The following PARP9 variants were observed in gnomAD, a reference collection of about 807,000 sequenced individuals.
PARP9 encodes the protein protein mono-ADP-ribosyltransferase PARP9.
PARP9 carries 48 observed loss-of-function variants against 68.8 expected under a neutral mutation model. The observed-to-expected ratio is 0.70, with a 90% CI of 0.55 to 0.89. The LOEUF is 0.89. PARP9 is among the 40% of genes least tolerant of loss of function. The probability of loss-of-function intolerance (pLI) is 0.00; values close to 1 mark genes in which losing one functional copy is unlikely to be tolerated. For missense variants in PARP9, 806 were observed against 969.3 expected, an observed-to-expected ratio of 0.83 and a Z score of 2.24; for synonymous variants, 309 against 333.8, an observed-to-expected ratio of 0.93 and a Z score of 0.81.
intron 8 of PARP9, among the ~76,000 whole-genome samples, chr3:122,538,575 G>T (rs1168424466): frequency 6.6e-6 from 1 of 152,016 alleles, no homozygotes; most frequent in East Asian, 1.9e-4. Context: ...TCGTGCGGCA[G>T]AGCAAGAGAC....
chr3:122,545,584 T>C lies in PARP9; in HGVS notation c.1327-95A>G, dbSNP rs905674684. 1.3e-5 allele frequency: 15 copies of C among 1,167,242 alleles called. No homozygotes were observed. In the African/African-American group the frequency reaches 2.3e-4, roughly 18 times the overall value. The allele number at this position is 1,167,242 out of a possible 1,614,324, so 72.3% of individuals were successfully genotyped here. On this transcript the variant is annotated intron_variant, in intron 6 of 10. Transcript: ENST00000682323. ...TCTGCACACACAGCACTTGACTTCA[T>C]CCACTCTGTCAGTCCCATTCCTACT...
At chr3:122,550,859 A>AC in intron 5 of PARP9, 57 bp from the exon 6 acceptor site, 4 of 1,452,390 alleles carry the variant, frequency 2.8e-6, no homozygotes, top group Non-Finnish European at 3.8e-6. Context: ...GACTCCACTT[A>AC]CCCCTTGATC....
At chr3:122,539,903 C>T (rs1365183638) in intron 8 of PARP9, among the ~76,000 whole-genome samples, 2 of 152,126 alleles carry the variant, frequency 1.3e-5, no homozygotes, top group Admixed American at 6.5e-5. Context: ...CTAGTTAGCT[C>T]TAGGGCTCTG....
Position 122,564,283 on chromosome 3 carries a change from G to C in PARP9, c.-128C>G. On this transcript the variant is annotated 5_prime_UTR_variant, in exon 1 of 11. Transcript: ENST00000682323. The stretch of plus-strand genomic sequence containing the variant: ...CTCCTCGGTGCAGACAGCACAGGGA[G>C]GAGGGGGAAGCGGCTCTGCCGGGAA... 2.0e-6 allele frequency: 2 copies of C among 1,019,550 alleles called. No homozygotes were observed. Among genetic ancestry groups the C allele is most frequent in the Non-Finnish European group, 2.8e-6 (2 of 721,138 alleles). The allele number at this position is 1,019,550 out of a possible 1,614,324, so 63.2% of individuals were successfully genotyped here. A position where few individuals can be genotyped will look rare whatever the true frequency, so the allele number is the denominator to read the frequency against.
At chr3:122,535,930 T>C in intron 10 of PARP9, 1 of 1,414,556 alleles carries the variant, frequency 7.1e-7, no homozygotes, top group South Asian at 1.6e-5. Context: ...CCGTAGTTCT[T>C]ACTGCTCACA....
intron 6 of PARP9, among the ~76,000 whole-genome samples, chr3:122,549,067 T>C (rs573637042): frequency 6.6e-6 from 1 of 151,272 alleles, no homozygotes; most frequent in Admixed American, 6.6e-5. Flanking sequence ...CAAGCCCGGG[T>C]GCAATGGTGC....
intron 6 of PARP9, among the ~76,000 whole-genome samples, chr3:122,546,310 T>C (rs1371914380): frequency 1.3e-5 from 2 of 152,250 alleles, no homozygotes; most frequent in Non-Finnish European, 2.9e-5. Flanking sequence ...TCTTTCATGA[T>C]GCTGGGCGGC....
At chr3:122,557,166 G>A (rs1158472527) in intron 3 of PARP9, among the ~76,000 whole-genome samples, 1 of 151,834 alleles carries the variant, frequency 6.6e-6, no homozygotes, top group South Asian at 2.1e-4. Flanking sequence ...CCCTTTCTCA[G>A]AGGCATTTCC....
rs2079129246 is a variant in PARP9 at position 122,550,694 on chromosome 3, T to C, written c.1216A>G (p.Thr406Ala). The C allele has an allele frequency of 4.3e-6, 7 of 1,614,172 alleles. No homozygotes were observed. Among genetic ancestry groups the C allele is most frequent in the Non-Finnish European group, 5.9e-6 (7 of 1,180,010 alleles). ...GTGNMEIKKE[T>A]AAEILFDEVL... ...TCATCAAACAAAATCTCTGCTGCTGTTTCCTTCTTTATTTCCATGTTTCCA... is the reference window on the plus strand; with the variant it reads ...TCATCAAACAAAATCTCTGCTGCTGCTTCCTTCTTTATTTCCATGTTTCCA... Residue 406 changes from threonine to alanine, a missense_variant, in exon 6 of 11, where the codon ACA (threonine) becomes GCA (alanine). By Grantham distance (58) the Thr-to-Ala change is moderately conservative. This residue lies in a region of PARP9 where 680 missense variants were observed against 858.8 expected (regional missense o/e 0.79). Transcript: ENST00000682323.
Position 122,555,291 on chromosome 3 carries a change from G to A in PARP9, c.880C>T (p.Gln294Ter). The change falls in exon 4 of 11, where the codon CAG becomes TAG. Residue 294 changes from glutamine (Q) to a stop codon, truncating the protein, a stop_gained. Transcript: ENST00000682323. LOFTEE classifies it high-confidence loss of function. ...LQIVQGHIEW[Q>*]TADVIVNSVN... ...GAATAGAAACAAAGACTTACCGTCT[G>A]CCATTCAATGTGGCCCTGGACAATC... 1 of 1,605,082 alleles carries A rather than the reference G, an allele frequency of 6.2e-7. No homozygotes were observed. Among genetic ancestry groups the A allele is most frequent in the Non-Finnish European group, 8.5e-7 (1 of 1,175,596 alleles).
intron 7 of PARP9, among the ~76,000 whole-genome samples, chr3:122,542,812 G>A (rs1169077562): frequency 6.6e-6 from 1 of 151,852 alleles, no homozygotes; most frequent in Non-Finnish European, 1.5e-5. Flanking sequence ...ATATGTGTTG[G>A]CAAAGCGAGC....
In PARP9 at chr3:122,556,018, C is replaced by T. The variant is rs146677229; in HGVS notation, c.153G>A (p.Gln51=). 4.2e-5 allele frequency: 68 copies of T among 1,613,672 alleles called. No homozygotes were observed. The Middle Eastern group carries it at 4.9e-4, about 12-fold the overall frequency. The change falls in exon 4 of 11, where the codon CAG becomes CAA. Residue 51 remains glutamine (Q), a synonymous_variant. Coordinates refer to ENST00000682323, the MANE Select transcript of PARP9 (RefSeq NM_001146105.2). ...GGGTAGAGATACAGCCAAACTTATT[C>T]TGGAGGACTTCACACAGCTGACGCT... The part of the protein sequence containing the change: ...NNERQLCEVL[Q]NKFGCISTLV...
In PARP9 at chr3:122,540,505, T is replaced by C. The variant is rs1177550612; in HGVS notation, c.1732A>G (p.Arg578Gly). 3.7e-6 allele frequency: 6 copies of C among 1,613,888 alleles called. No individual in the cohort carries two copies. Among genetic ancestry groups the C allele is most frequent in the Non-Finnish European group, 5.1e-6 (6 of 1,179,916 alleles). ...CGCCAAAGGCCTCGCTCCTTTTTCCTTGCCATTTCCTCCTGTACTTTACAA... is the reference window on the plus strand; with the variant it reads ...CGCCAAAGGCCTCGCTCCTTTTTCCCTGCCATTTCCTCCTGTACTTTACAA... Reference protein sequence around the residue: ...MLCKVQEEMARKKERGLWRSL... With the variant: ...MLCKVQEEMAGKKERGLWRSL... Residue 578 changes from arginine (R) to glycine (G), a missense_variant, in exon 8 of 11, where the codon AGG becomes GGG. By Grantham distance (125) the Arg-to-Gly change is moderately radical. Transcript: ENST00000682323.
Position 122,540,606 on chromosome 3 carries a change from G to A in PARP9, c.1631C>T (p.Pro544Leu). The change falls in exon 8 of 11, where the codon CCA (proline) becomes CTA (leucine). Residue 544 changes from proline (P) to leucine (L), a missense_variant. Pro to Leu is a moderately conservative substitution (Grantham distance 98). This residue lies in a region of PARP9 where 680 missense variants were observed against 858.8 expected (regional missense o/e 0.79). Coordinates refer to ENST00000682323, the MANE Select transcript of PARP9 (RefSeq NM_001146105.2). The stretch of plus-strand genomic sequence containing the variant: ...TTCAATCTCTAACTCTGTCCTTCCT[G>A]GGCTGATAATTTCTGTGATGGAGAC... ...SSVSITEIIS[P>L]GRTELEIEGA... 2.5e-6 allele frequency: 4 copies of A among 1,614,092 alleles called. No homozygotes were observed. Among genetic ancestry groups the A allele is most frequent in the Non-Finnish European group, 3.4e-6 (4 of 1,180,016 alleles).
chr3:122,552,956 T>C (rs988572461), intron 4 of PARP9, among the ~76,000 whole-genome samples: 1 of 152,186 alleles, frequency 6.6e-6, no homozygotes, highest in Non-Finnish European at 1.5e-5. Flanking sequence ...TGATTTGTTT[T>C]AAGTTCTGTC....
At chr3:122,539,937 A>G (rs1156319547) in intron 8 of PARP9, among the ~76,000 whole-genome samples, 4 of 152,206 alleles carry the variant, frequency 2.6e-5, no homozygotes, top group Admixed American at 2.0e-4. Flanking sequence ...TCCAGATCCA[A>G]ATTCCCACGT....
At position 122,555,760 on chromosome 3, in the gene PARP9, A is replaced by G. The variant is rs762736445; in HGVS notation, c.411T>C (p.Tyr137=). The change falls in exon 4 of 11, where the codon TAT becomes TAC. Residue 137 remains tyrosine (Y), a synonymous_variant. Coordinates refer to ENST00000682323, the MANE Select transcript of PARP9 (RefSeq NM_001146105.2). The part of the protein sequence containing the change: ...QEESKQFVAR[Y]GKVSAGEIAV... ...CTATCTCACCAGCTGACACTTTACC[A>G]TATCTGGCAACAAACTGTTTGCTCT... The G allele has an allele frequency of 1.6e-5, 26 of 1,613,940 alleles. No homozygotes were observed. The highest frequency in any genetic ancestry group is 2.2e-5 in the Non-Finnish European group (26 of 1,179,982).
At chr3:122,552,279 C>T (rs2079267438) in intron 5 of PARP9, 139 bp downstream of exon 5, 6 of 634,856 alleles carry the variant, frequency 9.5e-6, no homozygotes, top group Admixed American at 6.0e-5. Flanking sequence ...TTCTGGTACT[C>T]GCAGGTGTGC....
At chr3:122,555,073 T>G (rs1048912798) in intron 4 of PARP9, among the ~76,000 whole-genome samples, 3 of 152,084 alleles carry the variant, frequency 2.0e-5, no homozygotes, top group Non-Finnish European at 4.4e-5. Flanking sequence ...CTGGGTATGT[T>G]GCCTAGGCTG....
Sources: gnomAD v4.1 joint callset for allele counts (sites outside exome capture counted in the v4.1 genomes callset) on GRCh38, gnomAD v4.1.1 for gene constraint, gnomAD v4.1.1 regional missense constraint, MANE v1.5 for transcripts, NCBI Gene and HGNC (gene_info 2026-07-23, HGNC 2026-07-21) for gene names.